ANO4: variants seen among roughly 807,000 people sequenced by gnomAD.
ANO4 encodes anoctamin-4.
In ANO4, 69 loss-of-function variants were observed where a neutral mutation model predicts 141.9. The ratio of observed to expected loss-of-function variants is 0.49; its 90% CI spans 0.40 to 0.59. The LOEUF (loss-of-function observed/expected upper bound fraction) is 0.59. Ranked by LOEUF, ANO4 falls within the 20% of genes least tolerant of loss-of-function variation. The pLI, the probability that ANO4 is intolerant of heterozygous loss-of-function variation, is 0.00. For missense variants in ANO4, 894 were observed against 1,162.2 expected (o/e 0.77, Z 3.36); for synonymous variants, 350 against 394.3 (o/e 0.89, Z 1.33).
chr12:101,080,900 T>TATACACAC (rs1194122665), intron 15 of ANO4, among the ~76,000 whole-genome samples: 6 of 131,042 alleles, frequency 4.6e-5, no homozygotes, highest in South Asian at 4.9e-4. Flanking sequence ...TATATATATA[T>TATACACAC]ACATACACAT....
intron 8 of ANO4, among the ~76,000 whole-genome samples, chr12:100,995,429 G>A (rs996663015): frequency 1.3e-5 from 2 of 152,188 alleles, no homozygotes; most frequent in Non-Finnish European, 2.9e-5. Flanking sequence ...GATCCTGTAA[G>A]GCCTGTGGGC....
intron 1 of ANO4, among the ~76,000 whole-genome samples, chr12:100,900,644 G>T (rs2040553103): frequency 1.3e-5 from 2 of 152,170 alleles, no homozygotes; most frequent in Non-Finnish European, 2.9e-5. Flanking sequence ...AAAAGGATGA[G>T]TTCATGTCCT....
chr12:100,939,495 C>A, intron 4 of ANO4, 44 bp downstream of exon 4: 1 of 1,600,494 alleles, frequency 6.2e-7, no homozygotes. Flanking sequence ...GTGATCCAGG[C>A]AGGAACCTGT....
intron 8 of ANO4, among the ~76,000 whole-genome samples, chr12:101,013,149 G>A (rs1463045734): frequency 2.6e-5 from 4 of 152,118 alleles, no homozygotes; most frequent in African/African-American, 9.7e-5. Context: ...GGAAGAACAG[G>A]TTTTTCCTTT....
intron 26 of ANO4, among the ~76,000 whole-genome samples, chr12:101,126,584 C>G (rs1337658096): frequency 6.6e-6 from 1 of 152,176 alleles, no homozygotes; most frequent in African/African-American, 2.4e-5. Flanking sequence ...AAGCTACCAG[C>G]TTCAACCTGG....
chr12:101,051,810 C>G (rs573688989), intron 14 of ANO4, among the ~76,000 whole-genome samples: 1 of 152,302 alleles, frequency 6.6e-6, no homozygotes, highest in African/African-American at 2.4e-5. Context: ...TTGTTTGTTA[C>G]CATTTCCTTC....
intron 8 of ANO4, among the ~76,000 whole-genome samples, chr12:101,018,921 A>G (rs1248835473): frequency 2.0e-5 from 3 of 152,240 alleles, no homozygotes; most frequent in Non-Finnish European, 2.9e-5. Context: ...TTGTACCTTA[A>G]AAGAGTATCC....
At chr12:100,947,982 G>C (rs934404401) in intron 5 of ANO4, among the ~76,000 whole-genome samples, 12 of 151,870 alleles carry the variant, frequency 7.9e-5, no homozygotes, top group Admixed American at 6.6e-4. Context: ...AGGAGATTGA[G>C]ACCATCCTGG....
intron 2 of ANO4, among the ~76,000 whole-genome samples, chr12:100,913,985 G>A (rs566027337): frequency 3.9e-5 from 6 of 152,276 alleles, no homozygotes; most frequent in South Asian, 2.1e-4. Flanking sequence ...GTTCTGTAAC[G>A]CCTCCTAATC....
At chr12:100,999,237 G>A (rs917798320) in intron 8 of ANO4, among the ~76,000 whole-genome samples, 5 of 152,208 alleles carry the variant, frequency 3.3e-5, no homozygotes, top group African/African-American at 1.2e-4. Flanking sequence ...CTCCTTTCTG[G>A]AGGAGAATCT....
chr12:101,001,799 G>A (rs959795033), intron 8 of ANO4, among the ~76,000 whole-genome samples: 1 of 152,146 alleles, frequency 6.6e-6, no homozygotes, highest in East Asian at 1.9e-4. Flanking sequence ...GAGTGGCACT[G>A]GGGAGAAGGA....
At chr12:100,981,491 GGAAAA>G (rs1034583524) in intron 7 of ANO4, among the ~76,000 whole-genome samples, 17 of 151,488 alleles carry the variant, frequency 1.1e-4, no homozygotes, top group Admixed American at 4.0e-4. Context: ...AGGAAGGAAG[GGAAAA>G]GAAAAGAAAA....
chr12:100,753,265 T>G (rs1411013741), intron 3 of ANO4, among the ~76,000 whole-genome samples: 1 of 152,184 alleles, frequency 6.6e-6, no homozygotes, highest in Non-Finnish European at 1.5e-5. Flanking sequence ...CTAAGCCACA[T>G]GATGAAAGGC....
At chr12:100,946,782 A>G (rs148704309) in intron 5 of ANO4, among the ~76,000 whole-genome samples, 214 of 152,326 alleles carry the variant, frequency 1.4e-3, no homozygotes, top group African/African-American at 5.0e-3. Context: ...GGATTGAGCC[A>G]TGGGGAACAC....
At chr12:100,840,066 A>G (rs780219843) in intron 1 of ANO4, among the ~76,000 whole-genome samples, 14 of 152,090 alleles carry the variant, frequency 9.2e-5, no homozygotes, top group Non-Finnish European at 1.8e-4. Flanking sequence ...TCATACATAT[A>G]TATGAGTGGT....
intron 1 of ANO4, among the ~76,000 whole-genome samples, chr12:100,723,749 A>G (rs2030971700): frequency 6.6e-6 from 1 of 152,182 alleles, no homozygotes; most frequent in African/African-American, 2.4e-5. Flanking sequence ...GCTTTTAAAA[A>G]TCTAAAATCT....
chr12:100,769,422 A>C (rs983060737), intron 3 of ANO4, among the ~76,000 whole-genome samples: 1 of 152,218 alleles, frequency 6.6e-6, no homozygotes, highest in Admixed American at 6.5e-5. Context: ...TAGGCATCCC[A>C]CTGGGGTGGA....
chr12:100,868,126 G>T (rs10437890), intron 1 of ANO4, among the ~76,000 whole-genome samples: 2,019 of 152,170 alleles, frequency 0.013, 45 homozygotes, highest in African/African-American at 0.047. Flanking sequence ...CAGCTAACCT[G>T]GGGAAAGCCT....
At chr12:101,024,331 C>T (rs767593447) in intron 9 of ANO4, among the ~76,000 whole-genome samples, 11 of 152,154 alleles carry the variant, frequency 7.2e-5, no homozygotes, top group African/African-American at 2.4e-4. Flanking sequence ...CACGGTGGCT[C>T]ATGCCTATAA....
Sources: gnomAD v4.1 joint callset for allele counts (sites outside exome capture counted in the v4.1 genomes callset) on GRCh38, gnomAD v4.1.1 for gene constraint, MANE v1.5 for transcripts, NCBI Gene and HGNC (gene_info 2026-07-23, HGNC 2026-07-21) for gene names.